ASTN1: variants seen among roughly 807,000 people sequenced by gnomAD.
ASTN1 encodes astrotactin 1.
A neutral mutation model predicts 140.7 loss-of-function variants in ASTN1; 41 were observed. The observed-to-expected ratio is 0.29, with a 90% CI of 0.23 to 0.38. The LOEUF is 0.38. ASTN1 is among the 10% of genes least tolerant of loss of function. The pLI, the probability that ASTN1 is intolerant of heterozygous loss-of-function variation, is 1.00. For synonymous variants in ASTN1, 640 were observed against 652.2 expected, an observed-to-expected ratio of 0.98 and a Z score of 0.29; for missense variants, 1,479 against 1,678.8, an observed-to-expected ratio of 0.88 and a Z score of 2.08.
intron 16 of ASTN1, among the ~76,000 whole-genome samples, chr1:176,918,429 CTA>C (rs1443961154): frequency 1.3e-5 from 2 of 152,108 alleles, no homozygotes; most frequent in Admixed American, 6.5e-5. Flanking sequence ...ATTGACAGGC[CTA>C]CATGAAGCTC....
At chr1:176,997,954 G>T (rs1233390123) in intron 8 of ASTN1, among the ~76,000 whole-genome samples, 1 of 152,130 alleles carries the variant, frequency 6.6e-6, no homozygotes, top group Non-Finnish European at 1.5e-5. Flanking sequence ...AAGTGGGGAG[G>T]GGGTAAAGTA....
chr1:176,864,221 A>T lies in ASTN1; in HGVS notation c.*63T>A. 6.4e-7 allele frequency: 1 copy of T among 1,569,460 alleles called. No individual in the cohort carries two copies. ...AAAAAATATTAAAAATCCACAGACC[A>T]ACCCAGATGGATCCCTCCTCTTTCC... On this transcript the variant is annotated 3_prime_UTR_variant, in exon 23 of 23. Transcript: ENST00000361833.
At chr1:177,152,707 C>CTTTT (rs1390990530) in intron 1 of ASTN1, among the ~76,000 whole-genome samples, 1 of 151,950 alleles carries the variant, frequency 6.6e-6, no homozygotes, top group Non-Finnish European at 1.5e-5. Context: ...TATTCTTCTT[C>CTTTT]TTGTTACATT....
intron 1 of ASTN1, among the ~76,000 whole-genome samples, chr1:177,074,097 G>T (rs1278077470): frequency 5.3e-5 from 8 of 151,954 alleles, no homozygotes; most frequent in Admixed American, 5.2e-4. Flanking sequence ...TGATTTTAAT[G>T]AACTCTAAGT....
chr1:176,915,521 T>G (rs1168220100), intron 16 of ASTN1, among the ~76,000 whole-genome samples: 1 of 152,206 alleles, frequency 6.6e-6, no homozygotes, highest in Non-Finnish European at 1.5e-5. Flanking sequence ...CAACAGTTTC[T>G]GAAATCCTTT....
chr1:177,114,500 A>C (rs1379286200), intron 1 of ASTN1, among the ~76,000 whole-genome samples: 2 of 152,154 alleles, frequency 1.3e-5, no homozygotes, highest in African/African-American at 4.8e-5. Flanking sequence ...ATAAAAAGTA[A>C]TGTAGAATTA....
Position 176,882,906 on chromosome 1 carries a change from G to A in ASTN1, c.3315C>T (p.Thr1105=), listed in dbSNP as rs1371108683. ...GGCATCGTATGATCAGAGAGATGGT[G>A]GTGAGCTGCTTGTCCGGCACCTGAG... The part of the protein sequence containing the change: ...MPSQVPDKQL[T]TISLIIRCLE... The change falls in exon 20 of 23, where the codon ACC becomes ACT. Residue 1105 remains threonine (T), a synonymous_variant. Coordinates refer to ENST00000361833, the MANE Select transcript of ASTN1 (RefSeq NM_004319.3). 1.2e-6 allele frequency: 2 copies of A among 1,614,010 alleles called. No homozygotes were observed. Among genetic ancestry groups the A allele is most frequent in the African/African-American group, 1.3e-5 (1 of 74,898 alleles).
chr1:176,889,122 G>GGA (rs1197208492), intron 17 of ASTN1, among the ~76,000 whole-genome samples: 1 of 152,208 alleles, frequency 6.6e-6, no homozygotes, highest in Non-Finnish European at 1.5e-5. Flanking sequence ...TTACTATTAA[G>GGA]TAAAAGGACA....
At chr1:176,913,139 T>C (rs1670324659) in intron 16 of ASTN1, among the ~76,000 whole-genome samples, 1 of 152,214 alleles carries the variant, frequency 6.6e-6, no homozygotes, top group East Asian at 1.9e-4. Flanking sequence ...TCTCTCTTAC[T>C]TGGCTTCCTT....
intron 1 of ASTN1, among the ~76,000 whole-genome samples, chr1:177,147,912 C>T (rs1052330474): frequency 6.6e-6 from 1 of 152,140 alleles, no homozygotes; most frequent in African/African-American, 2.4e-5. Flanking sequence ...TTCCTCTGAA[C>T]ATTTTCCATA....
intron 16 of ASTN1, among the ~76,000 whole-genome samples, chr1:176,900,659 C>T (rs1669729734): frequency 6.6e-6 from 1 of 152,186 alleles, no homozygotes; most frequent in Non-Finnish European, 1.5e-5. Context: ...ATTTCTTAAT[C>T]TTCCTGTGTT....
chr1:176,930,065 C>T (rs935441022), intron 16 of ASTN1, among the ~76,000 whole-genome samples: 86 of 152,036 alleles, frequency 5.7e-4, no homozygotes, highest in African/African-American at 1.8e-3. Flanking sequence ...TGGCAGGAAA[C>T]GGAAGAGGAA....
At chr1:177,099,011 G>A (rs1293127702) in intron 1 of ASTN1, among the ~76,000 whole-genome samples, 1 of 152,142 alleles carries the variant, frequency 6.6e-6, no homozygotes, top group Non-Finnish European at 1.5e-5. Context: ...ATGAGGCTCT[G>A]TCTCTTAAAG....
chr1:176,914,368 T>A (rs141900483), intron 16 of ASTN1, among the ~76,000 whole-genome samples: 1 of 152,298 alleles, frequency 6.6e-6, no homozygotes, highest in Non-Finnish European at 1.5e-5. Flanking sequence ...ATGGGCAGGC[T>A]TCGCTGACTA....
At chr1:176,978,610 G>A (rs1056238267) in intron 8 of ASTN1, among the ~76,000 whole-genome samples, 21 of 152,126 alleles carry the variant, frequency 1.4e-4, no homozygotes, top group African/African-American at 5.1e-4. Context: ...AGTTCCAGAG[G>A]ATGATTTTAT....
chr1:177,045,377 C>T (rs888264957), intron 2 of ASTN1, among the ~76,000 whole-genome samples: 10 of 152,172 alleles, frequency 6.6e-5, no homozygotes, highest in Admixed American at 2.6e-4. Context: ...AGGCACATTC[C>T]GCTGGCTTGC....
chr1:177,144,148 T>C (rs981456623), intron 1 of ASTN1, among the ~76,000 whole-genome samples: 1 of 142,684 alleles, frequency 7.0e-6, no homozygotes, highest in South Asian at 2.1e-4. Context: ...TTCTGGAACA[T>C]GATTTTTTTT....
intron 2 of ASTN1, among the ~76,000 whole-genome samples, chr1:177,045,697 C>A (rs969952064): frequency 2.0e-5 from 3 of 152,164 alleles, no homozygotes; most frequent in African/African-American, 7.2e-5. Flanking sequence ...GTGTCTTTAG[C>A]CAGCATTTGT....
chr1:177,101,461 A>G (rs1489581740), intron 1 of ASTN1, among the ~76,000 whole-genome samples: 1 of 152,194 alleles, frequency 6.6e-6, no homozygotes, highest in Non-Finnish European at 1.5e-5. Context: ...GCCCACAAAA[A>G]GTTTGCTTTG....
Sources: allele counts gnomAD v4.1 joint callset (sites outside exome capture counted in the v4.1 genomes callset), GRCh38; gene constraint gnomAD v4.1.1; transcripts MANE v1.5; gene names NCBI Gene and HGNC (gene_info 2026-07-23, HGNC 2026-07-21).